Variants in DNAH1 observed in about 807,000 individuals in gnomAD.
DNAH1 encodes axonemal beta dynein heavy chain 1.
Under a neutral mutation model 484.3 loss-of-function variants are expected in DNAH1, and 327 were observed. The observed-to-expected ratio is 0.68, with a 90% confidence interval of 0.62 to 0.74. The LOEUF (loss-of-function observed/expected upper bound fraction) is 0.74. Ranked by LOEUF, DNAH1 falls within the 30% of genes least tolerant of loss-of-function variation. The pLI, the probability that DNAH1 is intolerant of heterozygous loss-of-function variation, is 0.00. For synonymous variants in DNAH1, 2,192 were observed against 2,191.9 expected (o/e 1.00, Z 0.00); for missense variants, 5,052 against 5,546.8 (o/e 0.91, Z 2.83).
At position 52,332,299 on chromosome 3, in the gene DNAH1, C is replaced by A; in HGVS notation, c.1191C>A (p.Cys397Ter). Residue 397 changes from cysteine (C) to a stop codon, truncating the protein, a stop_gained, in exon 8 of 78, where the codon TGC (cysteine) becomes TGA (stop). Transcript: ENST00000420323. LOFTEE classifies it high-confidence loss of function. ...TGCTCTACAACTTGTATGTGGACTGCATGCCCTCTGACGGCCAGCATGTCA... is the reference window on the plus strand; with the variant it reads ...TGCTCTACAACTTGTATGTGGACTGAATGCCCTCTGACGGCCAGCATGTCA... ...ALLLYNLYVD[C>*]MPSDGQHVIS... The A allele has an allele frequency of 6.2e-7, 1 of 1,614,074 alleles. No individual in the cohort carries two copies. Among genetic ancestry groups the A allele is most frequent in the Non-Finnish European group, 8.5e-7 (1 of 1,179,904 alleles).
In DNAH1 at chr3:52,386,234, G is replaced by C; in HGVS notation, c.8700G>C (p.Lys2900Asn). 6.2e-7 allele frequency: 1 copy of C among 1,613,682 alleles called. No individual in the cohort carries two copies. The highest frequency in any genetic ancestry group is 8.5e-7 in the Non-Finnish European group (1 of 1,179,796). Residue 2900 changes from lysine to asparagine, a missense_variant, in exon 55 of 78, where the codon AAG becomes AAC. Transcript: ENST00000420323. ...AGATCAAAGCCAATGAGAAGGCCAA[G>C]AAGGCACAAGCTATTGCTGACGATG... is the stretch of plus-strand genomic sequence containing the variant. Reference protein sequence around the residue: ...TEEIKANEKAKKAQAIADDAQ... With the variant: ...TEEIKANEKANKAQAIADDAQ...
rs1400893336 is a variant in DNAH1, at chr3:52,344,431, G to A, written c.1287-59G>A. ...CATGCCAGAGCAGAGCTTGGGCCCC[G>A]GCTGGGGTTCACAGGGTGTGGAGCC... is the stretch of plus-strand genomic sequence containing the variant. On this transcript the variant is annotated intron_variant, in intron 8 of 77. Transcript: ENST00000420323. 1.6e-5 allele frequency: 25 copies of A among 1,577,920 alleles called. 1 individual carries two copies. The highest frequency in any genetic ancestry group is 1.2e-4 in the South Asian group (10 of 86,212).
chr3:52,379,480 G>A lies in DNAH1; in HGVS notation c.7378-425G>A, dbSNP rs1477782608. On this transcript the variant is annotated intron_variant, in intron 47 of 77. Transcript: ENST00000420323. This position sits in a 1 kb window ranked among gnomAD's most constrained non-coding sequence, Gnocchi z 4.4. ...GATGGAGAGAGGGGGCAGGTTCAGA[G>A]GAGATTGGTGGGTCATGTCAGTGTG... is the stretch of plus-strand genomic sequence containing the variant. Among the ~76,000 whole-genome samples the A allele has an allele frequency of 6.6e-6, 1 of 152,196 alleles. No homozygotes were observed. The highest frequency in any genetic ancestry group is 1.9e-4 in the East Asian group (1 of 5,196).
At chr3:52,346,433 C>G (rs1702143259) in intron 10 of DNAH1, 39 bp from the exon 11 acceptor site, 1 of 1,569,342 alleles carries the variant, frequency 6.4e-7, no homozygotes, top group African/African-American at 1.4e-5. Context: ...GTCGTGGGTC[C>G]CCAGGGTGGC....
intron 8 of DNAH1, among the ~76,000 whole-genome samples, chr3:52,343,684 C>T (rs940199667): frequency 3.3e-5 from 5 of 152,030 alleles, no homozygotes; most frequent in Non-Finnish European, 7.4e-5. Context: ...ATTACCAGGG[C>T]TAAAGGGACT....
chr3:52,352,622 G>C lies in DNAH1; in HGVS notation c.2942G>C (p.Arg981Pro), dbSNP rs374856706. The C allele has an allele frequency of 6.2e-7, 1 of 1,612,892 alleles. No individual in the cohort carries two copies. Among genetic ancestry groups the C allele is most frequent in the Non-Finnish European group, 8.5e-7 (1 of 1,179,724 alleles). Residue 981 changes from arginine (R) to proline (P), a missense_variant, in exon 18 of 78, where the codon CGT becomes CCT. This residue lies in a region of DNAH1 where 2,929 missense variants were observed against 3,409.4 expected (regional missense o/e 0.86). Transcript: ENST00000420323. ...CACGAGATCGCCAACGAGGTGCGGC[G>C]TGTCAAGAAGCAGCTGAAGGACTGC... is the stretch of plus-strand genomic sequence containing the variant. ...RAHEIANEVR[R>P]VKKQLKDCQQ...
At position 52,357,973 on chromosome 3, in the gene DNAH1, C is replaced by T. The variant is rs1409826414; in HGVS notation, c.4056C>T (p.His1352=). Residue 1352 remains histidine (H), a synonymous_variant, in exon 24 of 78, where the codon CAC becomes CAT. Transcript: ENST00000420323. ...QTKDPTAVQP[H]LRKCFENIAR... Reference sequence around the variant, plus strand: ...AGGACCCCACGGCCGTGCAGCCACACCTGCGCAAGTGCTTCGAGAACATCG... The same window carrying T: ...AGGACCCCACGGCCGTGCAGCCACATCTGCGCAAGTGCTTCGAGAACATCG... The T allele has an allele frequency of 1.2e-6, 2 of 1,612,654 alleles. No homozygotes were observed. The highest frequency in any genetic ancestry group is 2.2e-5 in the East Asian group (1 of 44,852).
chr3:52,369,873 G>C lies in DNAH1; in HGVS notation c.5992G>C (p.Ala1998Pro). The C allele has an allele frequency of 6.2e-7, 1 of 1,613,402 alleles. No individual in the cohort carries two copies. Among genetic ancestry groups the C allele is most frequent in the Non-Finnish European group, 8.5e-7 (1 of 1,179,420 alleles). ...EVQDLAVASP[A>P]TVSRCGMVYL... ...GCAAGACCTGGCGGTGGCTTCACCA[G>C]CTACAGTCTCCCGCTGTGGCATGGT... The change falls in exon 38 of 78, where the codon GCT becomes CCT. Residue 1998 changes from alanine to proline, a missense_variant. This residue lies in a region of DNAH1 where 2,929 missense variants were observed against 3,409.4 expected (regional missense o/e 0.86). Coordinates refer to ENST00000420323, the MANE Select transcript of DNAH1 (RefSeq NM_015512.5).
intron 12 of DNAH1, 49 bp from the exon 13 acceptor site, chr3:52,348,839 A>G: frequency 1.3e-6 from 2 of 1,582,686 alleles, no homozygotes; most frequent in Non-Finnish European, 1.7e-6. Context: ...CTGCTCATTC[A>G]CCCCCTGGCT....
At chr3:52,322,811 C>T (rs934834510) in intron 2 of DNAH1, 36 bp downstream of exon 2, 9 of 1,542,938 alleles carry the variant, frequency 5.8e-6, no homozygotes, top group Non-Finnish European at 7.9e-6. Context: ...AAGCCTCAAC[C>T]CTTCCTCTGG....
At chr3:52,344,760 C>T in intron 9 of DNAH1, 113 bp downstream of exon 9, 2 of 1,145,348 alleles carry the variant, frequency 1.7e-6, no homozygotes, top group Non-Finnish European at 2.4e-6. Flanking sequence ...ATCAGCCCAA[C>T]ACTCCCTGCA....
Position 52,390,823 on chromosome 3 carries a change from A to G in DNAH1, c.9622-112A>G, listed in dbSNP as rs1704339031. The G allele has an allele frequency of 2.7e-6, 4 of 1,470,028 alleles. No homozygotes were observed. In the South Asian group the frequency reaches 3.9e-5, roughly 14 times the overall value. The allele number at this position is 1,470,028 out of a possible 1,614,324, so 91.1% of individuals were successfully genotyped here. On this transcript the variant is annotated intron_variant, in intron 60 of 77. Coordinates refer to ENST00000420323, the MANE Select transcript of DNAH1 (RefSeq NM_015512.5). Reference sequence around the variant, plus strand: ...CTGCCCCCAACCTCCAAGGGGATGCAGTAAGGAGAGGGAAGTCCATAGCCG... The same window carrying G: ...CTGCCCCCAACCTCCAAGGGGATGCGGTAAGGAGAGGGAAGTCCATAGCCG...
intron 23 of DNAH1, 70 bp from the exon 24 acceptor site, chr3:52,357,828 A>G: frequency 5.7e-6 from 9 of 1,583,058 alleles, no homozygotes; most frequent in Non-Finnish European, 7.7e-6. Context: ...CGGGGATGTC[A>G]GCAGGACTGG....
At chr3:52,318,751 T>C (rs2153222365) in intron 1 of DNAH1, among the ~76,000 whole-genome samples, 1 of 152,052 alleles carries the variant, frequency 6.6e-6, no homozygotes, top group African/African-American at 2.4e-5. Flanking sequence ...ATCGGGTGAA[T>C]GCTTCAAAAC....
upstream of DNAH1, among the ~76,000 whole-genome samples, chr3:52,313,124 G>A (rs1700848006): frequency 1.3e-5 from 2 of 152,222 alleles, no homozygotes; most frequent in African/African-American, 2.4e-5. Context: ...GGAGTACTGG[G>A]GAAAGAGAAA....
intron 44 of DNAH1, among the ~76,000 whole-genome samples, chr3:52,373,272 C>T (rs1217643269): frequency 1.4e-5 from 2 of 148,116 alleles, no homozygotes; most frequent in South Asian, 2.1e-4. Flanking sequence ...AAAGGGGAAG[C>T]GAGAGCAAGT....
Position 52,386,332 on chromosome 3 carries a change from A to G in DNAH1, c.8798A>G (p.Asn2933Ser), listed in dbSNP as rs759186265. 1.9e-6 allele frequency: 3 copies of G among 1,581,166 alleles called. No homozygotes were observed. Among genetic ancestry groups the G allele is most frequent in the African/African-American group, 1.3e-5 (1 of 74,116 alleles). ...GCCAGCCTGCGCAACCTCAACAAGA[A>G]CGATGTGACCGAGGTGGGCAGCAGG... The part of the protein sequence containing the change: ...ALASLRNLNK[N>S]DVTEVRAMQR... The change falls in exon 55 of 78, where the codon AAC (asparagine) becomes AGC (serine). Residue 2933 changes from asparagine to serine, a missense_variant. Around this residue, in one of 4 missense-constraint regions of DNAH1, gnomAD observed 2,929 missense variants for 3,409.4 expected, o/e 0.86. Coordinates refer to ENST00000420323, the MANE Select transcript of DNAH1 (RefSeq NM_015512.5).
chr3:52,326,045 A>G (rs1456699567), intron 3 of DNAH1, 95 bp from the exon 4 acceptor site: 4 of 1,285,820 alleles, frequency 3.1e-6, no homozygotes, highest in African/African-American at 1.5e-5. Flanking sequence ...ACTCCAAAGC[A>G]TACTACCTGG....
intron 45 of DNAH1, 33 bp downstream of exon 45, chr3:52,375,446 G>A (rs373909408): frequency 1.3e-6 from 2 of 1,598,542 alleles, no homozygotes; most frequent in African/African-American, 2.7e-5. Context: ...ATGGACAAAG[G>A]CAGAAGCCCA....
Sources: allele counts gnomAD v4.1 joint callset (sites outside exome capture counted in the v4.1 genomes callset), GRCh38; gene constraint gnomAD v4.1.1; regional missense constraint gnomAD v4.1.1; non-coding constraint Gnocchi (gnomAD v3.1); transcripts MANE v1.5; gene names NCBI Gene and HGNC (gene_info 2026-07-23, HGNC 2026-07-21).